EFR3A: variants seen among roughly 807,000 people sequenced by gnomAD.
EFR3A encodes protein EFR3 homolog A.
In EFR3A, 76 loss-of-function variants were observed where a neutral mutation model predicts 104.4. That is an observed-to-expected ratio of 0.73 (90% confidence interval 0.60 to 0.88). The LOEUF is 0.88. EFR3A is among the 40% of genes least tolerant of loss of function. The pLI is 0.00. For missense variants in EFR3A, 985 were observed against 1,012.5 expected (o/e 0.97, Z 0.37); for synonymous variants, 330 against 330.0 (o/e 1.00, Z 0.00).
At chr8:131,916,330 C>A (rs892559103) in intron 1 of EFR3A, among the ~76,000 whole-genome samples, 3 of 152,076 alleles carry the variant, frequency 2.0e-5, no homozygotes, top group Admixed American at 1.3e-4. Context: ...TGAGGAAATA[C>A]AATTGATAGG....
At position 131,988,874 on chromosome 8, in the gene EFR3A, C is replaced by A. The variant is rs1256228365; in HGVS notation, c.2065+1172C>A. On this transcript the variant is annotated intron_variant, in intron 18 of 22. Coordinates refer to ENST00000254624, the MANE Select transcript of EFR3A (RefSeq NM_015137.6). The stretch of plus-strand genomic sequence containing the variant: ...CTATAATTAGTTTAATTATTATTTT[C>A]CTTTATCTTCCTTATAGCCCTAGTT... 2.0e-5 allele frequency among the ~76,000 whole-genome samples: 3 copies of A among 151,932 alleles called. No individual in the cohort carries two copies. In the South Asian group the frequency reaches 6.2e-4, roughly 32 times the overall value.
rs1821975907 is a variant in EFR3A at position 132,005,270 on chromosome 8, T to C, written c.2360+1985T>C. On this transcript the variant is annotated intron_variant, in intron 22 of 22. Coordinates refer to ENST00000254624, the MANE Select transcript of EFR3A (RefSeq NM_015137.6). ...GAAATGTGTCTTCAGAGTTTTCAGG[T>C]CCTGTCTGGTACATTTTCTCTTGTT... Among the ~76,000 whole-genome samples the C allele has an allele frequency of 2.0e-5, 3 of 152,130 alleles. 1 individual carries two copies. Among genetic ancestry groups the C allele is most frequent in the Admixed American group, 2.0e-4 (3 of 15,260 alleles).
At chr8:131,954,878 A>G (rs898933679) in intron 6 of EFR3A, among the ~76,000 whole-genome samples, 2 of 152,068 alleles carry the variant, frequency 1.3e-5, no homozygotes, top group Non-Finnish European at 2.9e-5. Context: ...GATGTAATTG[A>G]TAACTCTATG....
At chr8:131,996,201 T>A (rs1821474128) in intron 18 of EFR3A, among the ~76,000 whole-genome samples, 1 of 152,136 alleles carries the variant, frequency 6.6e-6, no homozygotes, top group Non-Finnish European at 1.5e-5. Flanking sequence ...TTATTTCAGT[T>A]CACCTCATCA....
At chr8:131,977,276 C>T (rs1375115842) in intron 12 of EFR3A, among the ~76,000 whole-genome samples, 184 bp downstream of exon 12, 1 of 152,064 alleles carries the variant, frequency 6.6e-6, no homozygotes, top group Non-Finnish European at 1.5e-5. Flanking sequence ...CTTCTTCTGT[C>T]ACTGTCTTTG....
intron 8 of EFR3A, among the ~76,000 whole-genome samples, chr8:131,967,670 T>A (rs1169605008): frequency 1.3e-5 from 2 of 152,148 alleles, no homozygotes; most frequent in East Asian, 3.8e-4. Context: ...CTATGGTTGA[T>A]CAATTTTATT....
chr8:131,973,383 GA>G (rs752036107), intron 10 of EFR3A, among the ~76,000 whole-genome samples: 1 of 151,864 alleles, frequency 6.6e-6, no homozygotes, highest in Non-Finnish European at 1.5e-5. Flanking sequence ...TTGCTTTAAT[GA>G]CTTCTAATTA....
chr8:131,929,990 G>A (rs1303481392), intron 1 of EFR3A, among the ~76,000 whole-genome samples: 1 of 152,108 alleles, frequency 6.6e-6, no homozygotes, highest in Non-Finnish European at 1.5e-5. Flanking sequence ...CAAGTTAGCA[G>A]AGCAAACACA....
chr8:131,970,377 T>G lies in EFR3A; in HGVS notation c.992-99T>G, dbSNP rs564433899. The G allele has an allele frequency of 2.6e-6, 3 of 1,147,424 alleles. No individual in the cohort carries two copies. In the Admixed American group the frequency reaches 8.8e-5, roughly 34 times the overall value. 71.1% of individuals were successfully genotyped at this position (1,147,424 alleles called of 1,614,324 possible). On this transcript the variant is annotated intron_variant, in intron 9 of 22. Transcript: ENST00000254624. The stretch of plus-strand genomic sequence containing the variant: ...AAATTACTATGGATTTCTGACTATT[T>G]AGAAAATTACAGAAACAATCTGTGG...
Position 132,013,374 on chromosome 8 carries a change from A to G in EFR3A, c.*2479A>G, listed in dbSNP as rs1357282698. ...TTTCCTTAATACTTCTGAACTCATT[A>G]TCTTTTAGAATAATAATACTACTAC... On this transcript the variant is annotated 3_prime_UTR_variant, in exon 23 of 23. Coordinates refer to ENST00000254624, the MANE Select transcript of EFR3A (RefSeq NM_015137.6). 6.6e-6 allele frequency: 1 copy of G among 152,592 alleles called. No homozygotes were observed. The highest frequency in any genetic ancestry group is 2.4e-5 in the African/African-American group (1 of 41,426). 9.5% of individuals were successfully genotyped at this position (152,592 alleles called of 1,614,324 possible).
chr8:131,956,749 A>T (rs981891387), intron 7 of EFR3A, among the ~76,000 whole-genome samples: 6 of 152,194 alleles, frequency 3.9e-5, no homozygotes, highest in African/African-American at 1.4e-4. Flanking sequence ...ATTAAAAATT[A>T]GAGAATCATT....
chr8:131,972,562 T>C (rs1416366893), intron 10 of EFR3A, among the ~76,000 whole-genome samples: 1 of 152,136 alleles, frequency 6.6e-6, no homozygotes, highest in African/African-American at 2.4e-5. Context: ...ATAATCTGAC[T>C]GTATAAATAC....
At chr8:131,924,149 C>T in intron 1 of EFR3A, 1 of 431,876 alleles carries the variant, frequency 2.3e-6, no homozygotes, top group African/African-American at 2.0e-5. Context: ...ATGTAGAGAT[C>T]ATTTATTACC....
At position 131,914,059 on chromosome 8, in the gene EFR3A, G is replaced by C. The variant is rs527450908; in HGVS notation, c.10+9737G>C. On this transcript the variant is annotated intron_variant, in intron 1 of 22. Coordinates refer to ENST00000254624, the MANE Select transcript of EFR3A (RefSeq NM_015137.6). ...AGAGGTGGAAATGCTTTATGAACAT[G>C]TTGTTAGAATCAGCAGGTTATCAGT... is the stretch of plus-strand genomic sequence containing the variant. Among the ~76,000 whole-genome samples, 8 of 152,272 alleles carry C rather than the reference G, an allele frequency of 5.3e-5. No homozygotes were observed. The East Asian group carries it at 1.5e-3, about 29-fold the overall frequency.
In EFR3A at chr8:132,007,543, C is replaced by G. The variant is rs1193651077; in HGVS notation, c.2361-3247C>G. ...AATATTGTTTATATGCTGTTTCTTT[C>G]AAGTTGATCTGTAGCTTCAATAAAA... On this transcript the variant is annotated intron_variant, in intron 22 of 22. Transcript: ENST00000254624. Among the ~76,000 whole-genome samples, 2 of 151,884 alleles carry G rather than the reference C, an allele frequency of 1.3e-5. 1 individual carries two copies. The highest frequency in any genetic ancestry group is 2.9e-5 in the Non-Finnish European group (2 of 67,842).
intron 1 of EFR3A, among the ~76,000 whole-genome samples, chr8:131,924,797 G>T (rs770847588): frequency 6.6e-6 from 1 of 152,024 alleles, no homozygotes; most frequent in African/African-American, 2.4e-5. Context: ...TTCATGCTTG[G>T]CTGAGCTCGT....
At chr8:131,939,988 A>AG (rs1424090739) in intron 1 of EFR3A, 3 of 155,740 alleles carry the variant, frequency 1.9e-5, no homozygotes, top group African/African-American at 7.2e-5. Context: ...GAGCAGGGTA[A>AG]GGGTGGTCAG....
intron 5 of EFR3A, 61 bp from the exon 6 acceptor site, chr8:131,953,757 A>G: frequency 7.1e-7 from 1 of 1,409,932 alleles, no homozygotes; most frequent in Non-Finnish European, 9.4e-7. Flanking sequence ...AGCTACGCAA[A>G]CAGTCTTGTT....
Position 131,908,311 on chromosome 8 carries a change from C to T in EFR3A, c.10+3989C>T, listed in dbSNP as rs184839458. 8.7e-3 allele frequency among the ~76,000 whole-genome samples: 1,328 copies of T among 152,196 alleles called. 22 individuals carry two copies. The highest frequency in any genetic ancestry group is 0.03 in the African/African-American group (1,255 of 41,504). On this transcript the variant is annotated intron_variant, in intron 1 of 22. Transcript: ENST00000254624. ...TCCTGACCTCGTGATCCACCCGTCT[C>T]GGCCTCCCAAAGTGCTGGGATTACA... is the stretch of plus-strand genomic sequence containing the variant.
Sources: allele counts gnomAD v4.1 joint callset (sites outside exome capture counted in the v4.1 genomes callset), GRCh38; gene constraint gnomAD v4.1.1; transcripts MANE v1.5; gene names NCBI Gene and HGNC (gene_info 2026-07-23, HGNC 2026-07-21).